FGF13: variants seen among roughly 807,000 people sequenced by gnomAD.
FGF13 encodes fibroblast growth factor homologous factor 2.
A neutral mutation model predicts 19.5 loss-of-function variants in FGF13; 2 were observed. The ratio of observed to expected loss-of-function variants is 0.10; its 90% CI spans 0.04 to 0.32. FGF13 has a LOEUF of 0.32. FGF13 is among the 10% of genes least tolerant of loss of function. The pLI is 1.00. For missense variants in FGF13, 113 were observed against 192.7 expected, an observed-to-expected ratio of 0.59 and a Z score of 2.45; for synonymous variants, 72 against 76.9, an observed-to-expected ratio of 0.94 and a Z score of 0.33.
At chrX:138,822,374 T>A (rs2124068340) in intron 3 of FGF13, among the ~76,000 whole-genome samples, 1 of 111,986 alleles carries the variant, frequency 8.9e-6, no homozygotes, top group South Asian at 3.7e-4. Flanking sequence ...TACCAAAAGC[T>A]ACCTGGGTTC....
intron 3 of FGF13, among the ~76,000 whole-genome samples, chrX:138,838,535 G>A (rs188952323): frequency 9.0e-6 from 1 of 111,717 alleles, no homozygotes; most frequent in Admixed American, 9.4e-5. Context: ...GGGTGGGGGA[G>A]GTTCACTTGG....
rs1270123733 is a variant in FGF13 at position 139,168,661 on chromosome X, G to T, written c.-113+34755C>A. On this transcript the variant is annotated intron_variant, in intron 1 of 2. Coordinates refer to the FGF13 transcript ENST00000421460. ...AAACTTGGTCCCCTCCAGGCAAGAA[G>T]GAAGGGAATATCAGTGAGGGATACA... 2.7e-5 allele frequency among the ~76,000 whole-genome samples: 3 copies of T among 112,215 alleles called. No homozygotes were observed. In the East Asian group the frequency reaches 8.4e-4, roughly 31 times the overall value.
intron 1 of FGF13, among the ~76,000 whole-genome samples, chrX:138,957,624 C>T (rs776289080): frequency 4.0e-4 from 45 of 111,583 alleles, no homozygotes; most frequent in Admixed American, 9.5e-4. Flanking sequence ...GCCATTTTCA[C>T]GATATTGATT....
chrX:138,688,625 T>TA (rs984407880), intron 3 of FGF13, among the ~76,000 whole-genome samples: 12 of 108,686 alleles, frequency 1.1e-4, no homozygotes, highest in Non-Finnish European at 2.1e-4. Flanking sequence ...GTAAAAAACT[T>TA]AAAAAAAAAC....
At chrX:138,879,674 A>G (rs1178561380) in intron 1 of FGF13, among the ~76,000 whole-genome samples, 2 of 108,077 alleles carry the variant, frequency 1.9e-5, no homozygotes, top group Non-Finnish European at 3.8e-5. Context: ...CCACCCCCTG[A>G]CAGTCCCCAG....
intron 1 of FGF13, among the ~76,000 whole-genome samples, chrX:139,092,105 A>G (rs2124450151): frequency 9.0e-6 from 1 of 111,429 alleles, no homozygotes; most frequent in East Asian, 2.9e-4. Flanking sequence ...AAATAGAGAA[A>G]TGCCCTGGGA....
chrX:139,097,568 A>C (rs2083478499), intron 1 of FGF13, among the ~76,000 whole-genome samples: 1 of 112,104 alleles, frequency 8.9e-6, no homozygotes, highest in African/African-American at 3.2e-5. Context: ...AAAAGGGTTA[A>C]AGGAGAGAGA....
intron 1 of FGF13, among the ~76,000 whole-genome samples, chrX:138,998,635 C>T (rs1057035078): frequency 2.7e-5 from 3 of 111,700 alleles, no homozygotes; most frequent in African/African-American, 9.8e-5. Context: ...GAAGAGCTAA[C>T]TATCCTAAAT....
chrX:138,761,695 C>T (rs1415046992), intron 3 of FGF13, among the ~76,000 whole-genome samples: 1 of 111,784 alleles, frequency 8.9e-6, no homozygotes, highest in Non-Finnish European at 1.9e-5. Flanking sequence ...ATATGTCCAC[C>T]TCCAGAGGAT....
chrX:138,877,860 C>T (rs962326909), intron 1 of FGF13, among the ~76,000 whole-genome samples: 1 of 112,129 alleles, frequency 8.9e-6, no homozygotes, highest in African/African-American at 3.2e-5. Context: ...CACCTTTGAG[C>T]TAATCGTGAG....
At chrX:139,067,177 T>C (rs1350183813) in intron 1 of FGF13, among the ~76,000 whole-genome samples, 2 of 111,910 alleles carry the variant, frequency 1.8e-5, no homozygotes, top group Non-Finnish European at 3.8e-5. Context: ...GCCAATGTCA[T>C]ACTGAATGGG....
chrX:138,801,087 T>A (rs936790070), intron 3 of FGF13, among the ~76,000 whole-genome samples: 6 of 112,058 alleles, frequency 5.4e-5, no homozygotes, highest in African/African-American at 2.0e-4. Context: ...TTTGTCAATT[T>A]CTCAAACTCA....
chrX:139,099,791 A>AATT (rs2083496058), intron 1 of FGF13, among the ~76,000 whole-genome samples: 1 of 111,465 alleles, frequency 9.0e-6, no homozygotes, highest in African/African-American at 3.3e-5. Context: ...TTTCAGAGAG[A>AATT]ATTTTTTTAA....
intron 1 of FGF13, among the ~76,000 whole-genome samples, chrX:139,082,786 C>T (rs891321195): frequency 3.6e-5 from 4 of 111,344 alleles, no homozygotes; most frequent in African/African-American, 1.3e-4. Flanking sequence ...TTATGGCCAT[C>T]CTAGGAAATT....
chrX:139,151,711 G>T (rs2083935970), intron 1 of FGF13, among the ~76,000 whole-genome samples: 1 of 111,951 alleles, frequency 8.9e-6, no homozygotes, highest in Admixed American at 9.5e-5. Flanking sequence ...TTTATATGTA[G>T]TTGATACACT....
chrX:139,069,641 A>C (rs777080858), intron 1 of FGF13, among the ~76,000 whole-genome samples: 1 of 112,307 alleles, frequency 8.9e-6, no homozygotes, highest in Non-Finnish European at 1.9e-5. Flanking sequence ...TTTAAATTTC[A>C]TATGGAACCA....
intron 1 of FGF13, among the ~76,000 whole-genome samples, chrX:139,107,229 A>G (rs2083567075): frequency 8.9e-6 from 1 of 111,917 alleles, no homozygotes; most frequent in Admixed American, 9.5e-5. Flanking sequence ...CTTATAGAGT[A>G]AGTTAATGCC....
At chrX:138,883,571 T>G (rs2091438511) in intron 1 of FGF13, among the ~76,000 whole-genome samples, 1 of 111,429 alleles carries the variant, frequency 9.0e-6, no homozygotes, top group African/African-American at 3.3e-5. Context: ...TGGGATTAAT[T>G]GATGATATGT....
At chrX:138,845,958 C>G (rs1014970453) in intron 3 of FGF13, among the ~76,000 whole-genome samples, 9 of 110,759 alleles carry the variant, frequency 8.1e-5, no homozygotes, top group African/African-American at 3.0e-4. Context: ...AAAAAGAACC[C>G]GATTTTGTTC....
Sources: gnomAD v4.1 joint callset for allele counts (sites outside exome capture counted in the v4.1 genomes callset) on GRCh38, gnomAD v4.1.1 for gene constraint, MANE v1.5 for transcripts, NCBI Gene and HGNC (gene_info 2026-07-23, HGNC 2026-07-21) for gene names.